PXDNL: variants seen among roughly 807,000 people sequenced by gnomAD.
PXDNL encodes the protein peroxidasin like, also known as probable oxidoreductase PXDNL.
PXDNL carries 145 observed loss-of-function variants against 150.8 expected under a neutral mutation model. The observed-to-expected ratio is 0.96, with a 90% confidence interval of 0.84 to 1.10. The LOEUF is 1.10. PXDNL is among the 50% of genes least tolerant of loss of function. The pLI, the probability that PXDNL is intolerant of heterozygous loss-of-function variation, is 0.00. For missense variants in PXDNL, 2,087 were observed against 1,873.9 expected, an observed-to-expected ratio of 1.11 and a Z score of -2.10; for synonymous variants, 757 against 725.7, an observed-to-expected ratio of 1.04 and a Z score of -0.69.
intron 3 of PXDNL, among the ~76,000 whole-genome samples, chr8:51,584,445 G>C (rs1308003837): frequency 6.6e-6 from 1 of 152,034 alleles, no homozygotes; most frequent in African/African-American, 2.4e-5. Context: ...TTGTGTTCTT[G>C]GTAAAATTAA....
At chr8:51,737,825 G>T (rs1032321750) in intron 1 of PXDNL, among the ~76,000 whole-genome samples, 2 of 151,212 alleles carry the variant, frequency 1.3e-5, no homozygotes, top group African/African-American at 4.9e-5. Context: ...GCTCCTGCTG[G>T]CATGCTTTCT....
Position 51,319,868 on chromosome 8 carries a change from G to T in PXDNL, c.*23C>A, listed in dbSNP as rs1422049916. Reference sequence around the variant, plus strand: ...TCTTCCTGAGAAATTTCCCATTTGGGGCTCAACAGCACAAAACTTTTATTA... The same window carrying T: ...TCTTCCTGAGAAATTTCCCATTTGGTGCTCAACAGCACAAAACTTTTATTA... On this transcript the variant is annotated 3_prime_UTR_variant, in exon 23 of 23. Transcript: ENST00000356297. The T allele has an allele frequency of 2.7e-6, 4 of 1,465,748 alleles. No individual in the cohort carries two copies. Among genetic ancestry groups the T allele is most frequent in the Non-Finnish European group, 3.6e-6 (4 of 1,104,374 alleles). The allele number at this position is 1,465,748 out of a possible 1,614,324, so 90.8% of individuals were successfully genotyped here. A position where few individuals can be genotyped will look rare whatever the true frequency, so the allele number is the denominator to read the frequency against.
At chr8:51,445,674 G>A (rs1809656552) in intron 12 of PXDNL, among the ~76,000 whole-genome samples, 1 of 152,128 alleles carries the variant, frequency 6.6e-6, no homozygotes, top group Non-Finnish European at 1.5e-5. Context: ...ATCAAGATGA[G>A]GCTCTTTAGT....
chr8:51,511,272 C>G (rs1811412443), intron 4 of PXDNL, among the ~76,000 whole-genome samples: 1 of 152,188 alleles, frequency 6.6e-6, no homozygotes. Context: ...CTTCCTGATA[C>G]ATAGCAGAAG....
At chr8:51,531,025 C>A (rs1340262504) in intron 4 of PXDNL, among the ~76,000 whole-genome samples, 2 of 151,996 alleles carry the variant, frequency 1.3e-5, no homozygotes, top group African/African-American at 2.4e-5. Context: ...GAATTGTAAA[C>A]ACAAGAAAGT....
At chr8:51,754,318 T>G (rs553018032) in intron 1 of PXDNL, among the ~76,000 whole-genome samples, 2 of 152,202 alleles carry the variant, frequency 1.3e-5, no homozygotes, top group African/African-American at 4.8e-5. Flanking sequence ...TGTGGTTTTA[T>G]GTGCCCCCAG....
At chr8:51,390,409 G>A (rs1355044482) in intron 17 of PXDNL, among the ~76,000 whole-genome samples, 2 of 151,982 alleles carry the variant, frequency 1.3e-5, no homozygotes, top group African/African-American at 4.8e-5. Flanking sequence ...TTAATTACTA[G>A]GAACCCAAAA....
intron 1 of PXDNL, among the ~76,000 whole-genome samples, chr8:51,788,767 G>T (rs1374019618): frequency 4.6e-5 from 7 of 152,158 alleles, no homozygotes; most frequent in African/African-American, 1.7e-4. Context: ...CTTGGCCTTG[G>T]TTCAGCTTTT....
intron 4 of PXDNL, among the ~76,000 whole-genome samples, chr8:51,549,329 C>T (rs1812430754): frequency 6.6e-6 from 1 of 152,018 alleles, no homozygotes; most frequent in Non-Finnish European, 1.5e-5. Context: ...GAAAAATGGA[C>T]TTAACAGATA....
chr8:51,583,357 T>A (rs1257582155), intron 3 of PXDNL, among the ~76,000 whole-genome samples: 1 of 152,136 alleles, frequency 6.6e-6, no homozygotes, highest in Non-Finnish European at 1.5e-5. Context: ...AGCAAAAGCT[T>A]CCTTATCAAT....
intron 1 of PXDNL, among the ~76,000 whole-genome samples, chr8:51,755,260 C>CATGGTCATAT (rs2037087864): frequency 6.6e-6 from 1 of 151,348 alleles, no homozygotes; most frequent in Admixed American, 6.6e-5. Flanking sequence ...ATGGTAGAGT[C>CATGGTCATAT]ATGGTCATAT....
intron 21 of PXDNL, among the ~76,000 whole-genome samples, chr8:51,321,592 G>C (rs751728463): frequency 6.6e-6 from 1 of 152,006 alleles, no homozygotes; most frequent in Admixed American, 6.6e-5. Flanking sequence ...AGATCTGATG[G>C]TTTAAAGGTG....
At chr8:51,373,194 A>G (rs536397312) in intron 18 of PXDNL, among the ~76,000 whole-genome samples, 1 of 152,308 alleles carries the variant, frequency 6.6e-6, no homozygotes, top group South Asian at 2.1e-4. Flanking sequence ...TGGTGTCCTT[A>G]TAAGAAAAGG....
intron 2 of PXDNL, among the ~76,000 whole-genome samples, chr8:51,606,119 G>A (rs895862647): frequency 3.3e-5 from 5 of 152,162 alleles, no homozygotes; most frequent in African/African-American, 7.2e-5. Context: ...ATTGTGAATT[G>A]TGATAAGATT....
chr8:51,525,715 C>T (rs1811756912), intron 4 of PXDNL, among the ~76,000 whole-genome samples: 1 of 152,188 alleles, frequency 6.6e-6, no homozygotes, highest in Non-Finnish European at 1.5e-5. Flanking sequence ...CCTGTCTGTC[C>T]TCTTAGCAGA....
intron 6 of PXDNL, among the ~76,000 whole-genome samples, chr8:51,478,031 T>C (rs72638035): frequency 0.056 from 8,533 of 152,240 alleles, 343 homozygotes; most frequent in Non-Finnish European, 0.087. Flanking sequence ...AGTATAAAAG[T>C]ATAGTAAAAG....
At chr8:51,550,132 G>A (rs1011525322) in intron 4 of PXDNL, among the ~76,000 whole-genome samples, 5 of 152,172 alleles carry the variant, frequency 3.3e-5, no homozygotes, top group African/African-American at 1.2e-4. Flanking sequence ...ATTAAACCTG[G>A]AAGAAATAGA....
At chr8:51,368,856 C>T (rs890934463) in intron 19 of PXDNL, among the ~76,000 whole-genome samples, 14 of 151,996 alleles carry the variant, frequency 9.2e-5, no homozygotes, top group African/African-American at 2.4e-4. Flanking sequence ...ATTAGCCGGG[C>T]GCAGTGGTGC....
chr8:51,476,122 A>T (rs541613236), intron 6 of PXDNL, among the ~76,000 whole-genome samples: 1 of 152,278 alleles, frequency 6.6e-6, no homozygotes, highest in African/African-American at 2.4e-5. Flanking sequence ...CAAACAAAAA[A>T]GCTGTAAGCA....
Sources: gnomAD v4.1 joint callset for allele counts (sites outside exome capture counted in the v4.1 genomes callset) on GRCh38, gnomAD v4.1.1 for gene constraint, MANE v1.5 for transcripts, NCBI Gene and HGNC (gene_info 2026-07-23, HGNC 2026-07-21) for gene names.